Variants in ZZEF1 observed in about 807,000 individuals in gnomAD.
ZZEF1 encodes zinc finger ZZ-type and EF-hand domain-containing protein 1.
ZZEF1 carries 157 observed loss-of-function variants against 342.8 expected under a neutral mutation model. The ratio of observed to expected loss-of-function variants is 0.46; its 90% CI spans 0.40 to 0.52. The LOEUF is 0.52. Ranked by LOEUF, ZZEF1 falls within the 20% of genes least tolerant of loss-of-function variation. The probability of loss-of-function intolerance (pLI) is 0.00; values close to 1 mark genes in which losing one functional copy is unlikely to be tolerated. For synonymous variants in ZZEF1, 1,505 were observed against 1,429.1 expected (o/e 1.05, Z -1.20); for missense variants, 3,480 against 3,725.6 (o/e 0.93, Z 1.72).
chr17:4,013,392 CCA>C, intron 52 of ZZEF1, 55 bp downstream of exon 52: 4 of 1,463,388 alleles, frequency 2.7e-6, no homozygotes, highest in Non-Finnish European at 3.6e-6. Flanking sequence ...AAAGGGCCAG[CCA>C]CAGAGTGGGG....
Position 4,076,723 on chromosome 17 carries a change from G to A in ZZEF1, c.3148C>T (p.Pro1050Ser), listed in dbSNP as rs753373027. ...AACTCTCTCAAGAGCACGCAGTGTG[G>A]GATGTCTAAAGTGCAGAAGTCCAGC... is the stretch of plus-strand genomic sequence containing the variant. ...FLLDFCTLDIPHCVLLREFSV... is the reference protein window; with the variant it reads ...FLLDFCTLDISHCVLLREFSV... The change falls in exon 21 of 55, where the codon CCA (proline) becomes TCA (serine). Residue 1050 changes from proline to serine, a missense_variant. Transcript: ENST00000381638. 1.2e-6 allele frequency: 2 copies of A among 1,612,758 alleles called. No individual in the cohort carries two copies. The highest frequency in any genetic ancestry group is 1.7e-6 in the Non-Finnish European group (2 of 1,178,818).
chr17:4,053,959 T>C, intron 34 of ZZEF1, 98 bp downstream of exon 34: 1 of 1,380,020 alleles, frequency 7.2e-7, no homozygotes, highest in Non-Finnish European at 9.8e-7. Flanking sequence ...GGGCAGTACT[T>C]TGATTTAGTA....
Position 4,077,867 on chromosome 17 carries a change from T to TTA in ZZEF1, c.2989+14_2989+15dup, listed in dbSNP as rs2057652408. On this transcript the variant is annotated intron_variant, in intron 19 of 54. Coordinates refer to ENST00000381638, the MANE Select transcript of ZZEF1 (RefSeq NM_015113.4). ...CAAACGCCATCTGTTTTCATGGATT[T>TTA]TATATTGAAACTCACATTTTTCAAT... 6.2e-7 allele frequency: 1 copy of TTA among 1,611,400 alleles called. No individual in the cohort carries two copies. The highest frequency in any genetic ancestry group is 1.7e-5 in the Admixed American group (1 of 59,928).
At chr17:4,036,801 ACACACACACACACACACT>A (rs1197798164) in intron 39 of ZZEF1, among the ~76,000 whole-genome samples, 1 of 108,902 alleles carries the variant, frequency 9.2e-6, no homozygotes, top group Non-Finnish European at 1.9e-5. Flanking sequence ...ACACACACAC[ACACACACACACACACACT>A]CTCTCTCTCT....
In ZZEF1 at chr17:4,006,657, T is replaced by C. The variant is rs1266596640; in HGVS notation, c.*233A>G. On this transcript the variant is annotated 3_prime_UTR_variant, in exon 55 of 55. Transcript: ENST00000381638. ...CTTCTTAAGGGCCCCCTGCCCACCC[T>C]TTCTGAGGCATTCTGCACTGCTTGG... 16 of 567,516 alleles carry C rather than the reference T, an allele frequency of 2.8e-5. No homozygotes were observed. Among genetic ancestry groups the C allele is most frequent in the Non-Finnish European group, 4.1e-5 (13 of 315,988 alleles). 35.2% of individuals were successfully genotyped at this position (567,516 alleles called of 1,614,324 possible). A position where few individuals can be genotyped will look rare whatever the true frequency, so the allele number is the denominator to read the frequency against.
At chr17:4,099,939 A>G (rs1326283753) in intron 9 of ZZEF1, among the ~76,000 whole-genome samples, 1 of 152,002 alleles carries the variant, frequency 6.6e-6, no homozygotes. Context: ...AAAATAACCA[A>G]TCAGATTTAA....
intron 42 of ZZEF1, among the ~76,000 whole-genome samples, chr17:4,030,287 C>T (rs1300764502): frequency 2.0e-5 from 3 of 151,928 alleles, no homozygotes; most frequent in African/African-American, 7.3e-5. Context: ...CGGCTCATAC[C>T]CCAATATGCC....
intron 32 of ZZEF1, 77 bp downstream of exon 32, chr17:4,057,917 C>T (rs2057200177): frequency 2.1e-6 from 3 of 1,459,606 alleles, no homozygotes; most frequent in South Asian, 2.6e-5. Context: ...GGAGTCTGTG[C>T]TCTTAACGCC....
Position 4,109,819 on chromosome 17 carries a change from T to G in ZZEF1, c.1111A>C (p.Thr371Pro). 6.2e-7 allele frequency: 1 copy of G among 1,614,226 alleles called. No homozygotes were observed. The highest frequency in any genetic ancestry group is 8.5e-7 in the Non-Finnish European group (1 of 1,180,038). The part of the protein sequence containing the change: ...IKRCLSDGCD[T>P]RIHGLRAVGF... Reference sequence around the variant, plus strand: ...ACAGCCCTGAGACCATGAATTCTAGTGTCGCAGCCATCGCTAAGACAACGC... The same window carrying G: ...ACAGCCCTGAGACCATGAATTCTAGGGTCGCAGCCATCGCTAAGACAACGC... The change falls in exon 6 of 55, where the codon ACT becomes CCT. Residue 371 changes from threonine (T) to proline (P), a missense_variant. By Grantham distance (38) the Thr-to-Pro change is conservative. Around this residue, in one of 5 missense-constraint regions of ZZEF1, gnomAD observed 92 missense variants for 130.3 expected, o/e 0.71. Coordinates refer to ENST00000381638, the MANE Select transcript of ZZEF1 (RefSeq NM_015113.4).
At chr17:4,105,631 C>A in intron 7 of ZZEF1, 62 bp downstream of exon 7, 1 of 1,240,268 alleles carries the variant, frequency 8.1e-7, no homozygotes, top group Middle Eastern at 1.9e-4. Flanking sequence ...TTTTTAAAGA[C>A]TTAACAAGCA....
chr17:4,116,304 C>T (rs1490580398), intron 3 of ZZEF1, among the ~76,000 whole-genome samples: 4 of 152,200 alleles, frequency 2.6e-5, no homozygotes, highest in African/African-American at 9.7e-5. Context: ...AAGAACGAAA[C>T]TCAGTCTCCA....
rs1455418694 is a variant in ZZEF1 at position 4,006,947 on chromosome 17, G to A, written c.8829C>T (p.Ile2943=). 2 of 1,581,962 alleles carry A rather than the reference G, an allele frequency of 1.3e-6. No homozygotes were observed. Among genetic ancestry groups the A allele is most frequent in the Admixed American group, 1.8e-5 (1 of 55,492 alleles). Residue 2943 remains isoleucine (I), a synonymous_variant, in exon 55 of 55, where the codon ATC becomes ATT. Transcript: ENST00000381638. ...TGTTTGGGTAGTTGATGGCCAGGCT[G>A]ATGGCAGCAATGTTCTGCAGAGCCT... ...AAQALQNIAA[I]SLAINYPNKA... is the part of the protein sequence containing the mutation.
At chr17:4,022,501 C>G (rs962120389) in intron 44 of ZZEF1, 13 of 566,522 alleles carry the variant, frequency 2.3e-5, no homozygotes, top group South Asian at 5.4e-5. Context: ...GTTCTTTGAA[C>G]AAACATTAAA....
intron 18 of ZZEF1, 71 bp downstream of exon 18, chr17:4,081,305 A>G (rs780066450): frequency 3.2e-6 from 4 of 1,262,678 alleles, no homozygotes; most frequent in Non-Finnish European, 4.6e-6. Flanking sequence ...AAAGGGGGGC[A>G]CAAGAGACTG....
chr17:4,114,512 CA>C (rs1567853883), intron 3 of ZZEF1, 42 bp from the exon 4 acceptor site: 1 of 1,370,420 alleles, frequency 7.3e-7, no homozygotes, highest in Non-Finnish European at 9.6e-7. Flanking sequence ...ATCCCTTTCA[CA>C]AAGGGAAAAA....
chr17:4,087,630 G>T (rs1014809407), intron 13 of ZZEF1, 96 bp from the exon 14 acceptor site: 1 of 1,102,698 alleles, frequency 9.1e-7, no homozygotes, highest in Non-Finnish European at 1.3e-6. Flanking sequence ...AAGGGATGAG[G>T]TGGCTCTACA....
At chr17:4,024,214 T>TTTTTTTA (rs1861906932) in intron 43 of ZZEF1, among the ~76,000 whole-genome samples, 1 of 147,680 alleles carries the variant, frequency 6.8e-6, no homozygotes, top group Admixed American at 6.8e-5. Flanking sequence ...TTTTTTTTTT[T>TTTTTTTA]ACAGAGGGAG....
rs2055793177 is a variant in ZZEF1, at chr17:4,006,047, AATAAG to A, written c.*838_*842del. ...AAATTATGTGGGTTTTTACTCTTAA[AATAAG>A]ATATCCTCTGATCATCTTCACGGTA... On this transcript the variant is annotated 3_prime_UTR_variant, in exon 55 of 55. Coordinates refer to ENST00000381638, the MANE Select transcript of ZZEF1 (RefSeq NM_015113.4). The A allele has an allele frequency of 6.6e-6, 1 of 152,226 alleles. No individual in the cohort carries two copies. The highest frequency in any genetic ancestry group is 1.5e-5 in the Non-Finnish European group (1 of 68,052). 9.4% of individuals were successfully genotyped at this position (152,226 alleles called of 1,614,324 possible).
Position 4,017,655 on chromosome 17 carries a change from T to C in ZZEF1, c.7717A>G (p.Ser2573Gly), listed in dbSNP as rs1173697487. Residue 2573 changes from serine (S) to glycine (G), a missense_variant, in exon 48 of 55, where the codon AGC becomes GGC. Around this residue, in one of 5 missense-constraint regions of ZZEF1, gnomAD observed 1,269 missense variants for 1,342.4 expected, o/e 0.95. Coordinates refer to ENST00000381638, the MANE Select transcript of ZZEF1 (RefSeq NM_015113.4). This position sits in a 1 kb window ranked among gnomAD's most constrained non-coding sequence, Gnocchi z 5.1. ...VTQKLISSTE[S>G]ELQQSYAKQR... The stretch of plus-strand genomic sequence containing the variant: ...TTGGCATAGCTCTGCTGCAGTTCGC[T>C]CTCTGTGCTGGAGATCAGCTTCTGG... 9 of 1,613,970 alleles carry C rather than the reference T, an allele frequency of 5.6e-6. No homozygotes were observed. The highest frequency in any genetic ancestry group is 4.0e-5 in the African/African-American group (3 of 74,922).
Sources: allele counts gnomAD v4.1 joint callset (sites outside exome capture counted in the v4.1 genomes callset), GRCh38; gene constraint gnomAD v4.1.1; regional missense constraint gnomAD v4.1.1; non-coding constraint Gnocchi (gnomAD v3.1); transcripts MANE v1.5; gene names NCBI Gene and HGNC (gene_info 2026-07-23, HGNC 2026-07-21).